Variants in LHCGR observed in about 807,000 individuals in gnomAD.
LHCGR encodes the protein lutropin-choriogonadotropic hormone receptor.
LHCGR carries 55 observed loss-of-function variants against 60.7 expected under a neutral mutation model. That is an observed-to-expected ratio of 0.91 (90% confidence interval 0.73 to 1.13). The LOEUF (loss-of-function observed/expected upper bound fraction) is 1.13. LHCGR is among the 50% of genes most tolerant of loss of function. The probability of loss-of-function intolerance (pLI) is 0.00; values close to 1 mark genes in which losing one functional copy is unlikely to be tolerated. For missense variants in LHCGR, 862 were observed against 836.0 expected, an observed-to-expected ratio of 1.03 and a Z score of -0.38; for synonymous variants, 337 against 316.5, an observed-to-expected ratio of 1.06 and a Z score of -0.69.
At chr2:48,719,378 C>T (rs987199984) in intron 6 of LHCGR, among the ~76,000 whole-genome samples, 1 of 152,098 alleles carries the variant, frequency 6.6e-6, no homozygotes, top group African/African-American at 2.4e-5. Flanking sequence ...TGTGGCTTGT[C>T]ATGGGTGCAG....
Position 48,714,270 on chromosome 2 carries a change from A to T in LHCGR, c.537-216T>A, listed in dbSNP as rs184993838. Among the ~76,000 whole-genome samples, 118 of 152,312 alleles carry T rather than the reference A, an allele frequency of 7.7e-4. 3 individuals carry two copies. The East Asian group carries it at 0.021, about 27-fold the overall frequency. On this transcript the variant is annotated intron_variant, in intron 6 of 10. Coordinates refer to ENST00000294954, the MANE Select transcript of LHCGR (RefSeq NM_000233.4). ...ATGTTTATTTTATGATTTAATCCTC[A>T]TCATCATTTCCATTATACCGACAAG...
chr2:48,719,097 C>T (rs892988871), intron 6 of LHCGR, among the ~76,000 whole-genome samples: 13 of 151,192 alleles, frequency 8.6e-5, no homozygotes, highest in African/African-American at 2.2e-4. Context: ...CTGAGGCGGG[C>T]GGATCACGAG....
intron 8 of LHCGR, among the ~76,000 whole-genome samples, chr2:48,708,548 C>CCACACA (rs5831001): frequency 6.6e-6 from 1 of 150,450 alleles, no homozygotes; most frequent in African/African-American, 2.4e-5. Context: ...AGATACCCAC[C>CCACACA]CACACACACA....
chr2:48,724,849 C>T (rs1431808771), intron 4 of LHCGR, among the ~76,000 whole-genome samples: 2 of 152,116 alleles, frequency 1.3e-5, no homozygotes, highest in East Asian at 3.9e-4. Flanking sequence ...TTATAGAAGG[C>T]CCCAGAGCAA....
At chr2:48,697,669 G>A (rs573899845) in intron 9 of LHCGR, among the ~76,000 whole-genome samples, 2 of 152,178 alleles carry the variant, frequency 1.3e-5, no homozygotes, top group African/African-American at 2.4e-5. Context: ...GCAGCATCTG[G>A]TGTCACTCTC....
chr2:48,752,070 G>GT (rs1669981450), intron 1 of LHCGR, among the ~76,000 whole-genome samples: 1 of 152,192 alleles, frequency 6.6e-6, no homozygotes, highest in South Asian at 2.1e-4. Flanking sequence ...TTTTAAATCA[G>GT]TTTTTTCTTT....
In LHCGR at chr2:48,752,904, A is replaced by G. The variant is rs183624809; in HGVS notation, c.161+2607T>C. ...AAAAAAACTTCCCTCAATTCTGCTT[A>G]TTTTCCGTCTGCCTCTGGGTTTAGG... is the stretch of plus-strand genomic sequence containing the variant. On this transcript the variant is annotated intron_variant, in intron 1 of 10. Coordinates refer to ENST00000294954, the MANE Select transcript of LHCGR (RefSeq NM_000233.4). Among the ~76,000 whole-genome samples the G allele has an allele frequency of 4.5e-3, 574 of 126,968 alleles. 2 individuals are homozygous for G. Among genetic ancestry groups the G allele is most frequent in the Non-Finnish European group, 7.4e-3 (473 of 63,838 alleles). 83.3% of individuals were successfully genotyped at this position (126,968 alleles called of 152,430 possible). A position where few individuals can be genotyped will look rare whatever the true frequency, so the allele number is the denominator to read the frequency against.
rs186252783 is a variant in LHCGR, at chr2:48,708,475, G to C, written c.680+473C>G. 1.6e-4 allele frequency among the ~76,000 whole-genome samples: 24 copies of C among 152,238 alleles called. No homozygotes were observed. In the East Asian group the frequency reaches 4.6e-3, roughly 29 times the overall value. On this transcript the variant is annotated intron_variant, in intron 8 of 10. Transcript: ENST00000294954. ...TTTACAGAGGTAATGAAGTTAAAAT[G>C]AGTTTATTAGGGTGGGCTCTAATCC...
chr2:48,722,951 T>G (rs1167049650), intron 6 of LHCGR, among the ~76,000 whole-genome samples: 2 of 152,146 alleles, frequency 1.3e-5, no homozygotes, highest in South Asian at 2.1e-4. Flanking sequence ...CATTAAGGAA[T>G]AGAGAGAATG....
chr2:48,741,230 G>C (rs1351652405), intron 1 of LHCGR, among the ~76,000 whole-genome samples: 7 of 152,194 alleles, frequency 4.6e-5, no homozygotes, highest in Non-Finnish European at 2.9e-5. Flanking sequence ...GTACCTGAAA[G>C]TGACGGGGAG....
intron 9 of LHCGR, among the ~76,000 whole-genome samples, chr2:48,694,842 T>C (rs576618522): frequency 4.6e-5 from 7 of 152,224 alleles, no homozygotes; most frequent in Middle Eastern, 6.8e-3. Context: ...GTTTAGCCTG[T>C]GGAAAGAAGA....
At chr2:48,730,372 G>T (rs1287975282) in intron 2 of LHCGR, among the ~76,000 whole-genome samples, 1 of 152,154 alleles carries the variant, frequency 6.6e-6, no homozygotes, top group Non-Finnish European at 1.5e-5. Flanking sequence ...CGACAAGTCC[G>T]TAACCTGCAG....
chr2:48,728,910 A>G (rs1312448679), intron 3 of LHCGR, among the ~76,000 whole-genome samples: 2 of 152,156 alleles, frequency 1.3e-5, no homozygotes, highest in East Asian at 3.9e-4. Flanking sequence ...GTCAATTTTA[A>G]TTTCTATCTT....
At chr2:48,725,394 C>T (rs1668672921) in intron 4 of LHCGR, among the ~76,000 whole-genome samples, 1 of 152,166 alleles carries the variant, frequency 6.6e-6, no homozygotes, top group East Asian at 1.9e-4. Context: ...CTCCATCTCC[C>T]ATACCCATTG....
chr2:48,750,783 A>T (rs558824865), intron 1 of LHCGR, among the ~76,000 whole-genome samples: 72 of 152,354 alleles, frequency 4.7e-4, no homozygotes, highest in African/African-American at 1.6e-3. Flanking sequence ...ACAATGATTC[A>T]AAACCAAGGG....
chr2:48,732,931 T>C (rs1172476601), intron 1 of LHCGR: 1 of 534,434 alleles, frequency 1.9e-6, no homozygotes, highest in African/African-American at 1.9e-5. Flanking sequence ...CCTAAACTCA[T>C]TTAACAAAGG....
intron 1 of LHCGR, among the ~76,000 whole-genome samples, chr2:48,742,031 G>A (rs1669480714): frequency 6.6e-6 from 1 of 151,980 alleles, no homozygotes; most frequent in African/African-American, 2.4e-5. Context: ...AAAAAGGCAG[G>A]GGTTGCCATC....
chr2:48,714,136 A>G lies in LHCGR; in HGVS notation c.537-82T>C, dbSNP rs995524356. On this transcript the variant is annotated intron_variant, in intron 6 of 10. Coordinates refer to ENST00000294954, the MANE Select transcript of LHCGR (RefSeq NM_000233.4). ...AAACACATTTTTCCTCCTGTAACAT[A>G]TATTACTAAGGTTATTACAGGCATT... 2.3e-5 allele frequency: 21 copies of G among 927,194 alleles called. No individual in the cohort carries two copies. The African/African-American group carries it at 3.1e-4, about 14-fold the overall frequency. 57.4% of individuals were successfully genotyped at this position (927,194 alleles called of 1,614,324 possible). A position where few individuals can be genotyped will look rare whatever the true frequency, so the allele number is the denominator to read the frequency against.
chr2:48,745,212 A>G (rs960655916), intron 1 of LHCGR, among the ~76,000 whole-genome samples: 3 of 152,214 alleles, frequency 2.0e-5, no homozygotes, highest in Non-Finnish European at 4.4e-5. Context: ...GCTGGAGAGG[A>G]TGTGGAGAAA....
Sources: gnomAD v4.1 joint callset for allele counts (sites outside exome capture counted in the v4.1 genomes callset) on GRCh38, gnomAD v4.1.1 for gene constraint, MANE v1.5 for transcripts, NCBI Gene and HGNC (gene_info 2026-07-23, HGNC 2026-07-21) for gene names.